The following FSTL5 variants were observed in gnomAD, a reference collection of about 807,000 sequenced individuals.
The protein encoded by FSTL5 is follistatin like 5, also known as follistatin-related protein 5.
In FSTL5, 62 loss-of-function variants were observed where a neutral mutation model predicts 89.1. That is an observed-to-expected ratio of 0.70 (90% CI 0.57 to 0.86). The LOEUF is 0.86. FSTL5 is among the 40% of genes least tolerant of loss of function. The pLI is 0.00. For missense variants in FSTL5, 1,057 were observed against 1,001.6 expected (o/e 1.06, Z -0.75); for synonymous variants, 383 against 346.2 (o/e 1.11, Z -1.18).
intron 7 of FSTL5, among the ~76,000 whole-genome samples, chr4:161,622,055 T>C (rs138024766): frequency 1.5e-3 from 230 of 152,118 alleles, no homozygotes; most frequent in African/African-American, 5.2e-3. Context: ...TAGGTGCGAT[T>C]ACTACATATG....
intron 8 of FSTL5, among the ~76,000 whole-genome samples, chr4:161,564,097 GAAT>G (rs559151608): frequency 1.3e-5 from 2 of 151,640 alleles, no homozygotes; most frequent in Non-Finnish European, 2.9e-5. Context: ...TCTTCAGAGT[GAAT>G]AATATATTTG....
chr4:161,508,231 A>T (rs1370860303), intron 11 of FSTL5, among the ~76,000 whole-genome samples: 1 of 152,078 alleles, frequency 6.6e-6, no homozygotes, highest in East Asian at 1.9e-4. Flanking sequence ...TTTTATTGTA[A>T]TGCCTTGCCA....
At chr4:162,067,431 G>A (rs1339105799) in intron 2 of FSTL5, among the ~76,000 whole-genome samples, 2 of 151,980 alleles carry the variant, frequency 1.3e-5, no homozygotes, top group Non-Finnish European at 2.9e-5. Context: ...TGTGAATTAT[G>A]CTGCAATAAA....
At position 161,912,711 on chromosome 4, in the gene FSTL5, T is replaced by C. The variant is rs578187571; in HGVS notation, c.409+7693A>G. Among the ~76,000 whole-genome samples the C allele has an allele frequency of 1.1e-4, 17 of 152,192 alleles. 1 individual carries two copies. The South Asian group carries it at 3.3e-3, about 30-fold the overall frequency. On this transcript the variant is annotated intron_variant, in intron 4 of 15. Coordinates refer to ENST00000306100, the MANE Select transcript of FSTL5 (RefSeq NM_020116.5). ...ATGGCTGAAAAGATACCAGAAAATG[T>C]GGAAATGACTTTGGAACTGGGTAAG... is the stretch of plus-strand genomic sequence containing the variant.
rs543761714 is a variant in FSTL5 at position 161,581,326 on chromosome 4, G to A, written c.1015+6129C>T. Among the ~76,000 whole-genome samples the A allele has an allele frequency of 8.8e-4, 134 of 152,296 alleles. 1 individual carries two copies. Among genetic ancestry groups the A allele is most frequent in the African/African-American group, 3.2e-3 (131 of 41,568 alleles). ...ACAGTTTGACAATCACTGAGCTAGGGTAACCCTCTAGCTTCTCACTCTCTC... is the reference window on the plus strand; with the variant it reads ...ACAGTTTGACAATCACTGAGCTAGGATAACCCTCTAGCTTCTCACTCTCTC... On this transcript the variant is annotated intron_variant, in intron 8 of 15. Transcript: ENST00000306100.
intron 3 of FSTL5, among the ~76,000 whole-genome samples, chr4:161,953,121 A>G (rs1734942239): frequency 6.6e-6 from 1 of 151,684 alleles, no homozygotes; most frequent in Non-Finnish European, 1.5e-5. Flanking sequence ...TCCCCTTAGC[A>G]GTTATCTCAG....
chr4:161,804,478 G>A (rs750986935), intron 4 of FSTL5, among the ~76,000 whole-genome samples: 2 of 151,606 alleles, frequency 1.3e-5, no homozygotes, highest in Non-Finnish European at 2.9e-5. Flanking sequence ...TGAAAAAATT[G>A]TGGGCAAATA....
At chr4:161,829,371 T>A (rs560970707) in intron 4 of FSTL5, among the ~76,000 whole-genome samples, 1 of 151,058 alleles carries the variant, frequency 6.6e-6, no homozygotes, top group East Asian at 1.9e-4. Flanking sequence ...TTTTTCAAGA[T>A]TGTCAGTGAA....
At chr4:161,943,192 A>G (rs962860893) in intron 3 of FSTL5, among the ~76,000 whole-genome samples, 5 of 152,218 alleles carry the variant, frequency 3.3e-5, no homozygotes, top group Admixed American at 6.5e-5. Flanking sequence ...TATCAAAATG[A>G]AAGAAAATCC....
chr4:161,980,627 AAAGT>A (rs1364692757), intron 3 of FSTL5, among the ~76,000 whole-genome samples: 1 of 152,082 alleles, frequency 6.6e-6, no homozygotes, highest in Non-Finnish European at 1.5e-5. Flanking sequence ...AAATTAAGGG[AAAGT>A]GAGTAGTATT....
intron 13 of FSTL5, among the ~76,000 whole-genome samples, chr4:161,473,503 G>C (rs1734021250): frequency 6.9e-6 from 1 of 145,244 alleles, no homozygotes; most frequent in African/African-American, 2.6e-5. Context: ...AAAGGTCACT[G>C]CAGCTTTGAC....
At chr4:162,048,436 G>A (rs1369073214) in intron 2 of FSTL5, among the ~76,000 whole-genome samples, 1 of 151,942 alleles carries the variant, frequency 6.6e-6, no homozygotes, top group Non-Finnish European at 1.5e-5. Flanking sequence ...GAAAACCTTA[G>A]AATAATTTAA....
intron 2 of FSTL5, among the ~76,000 whole-genome samples, chr4:162,074,116 T>C (rs1452930387): frequency 6.6e-6 from 1 of 151,822 alleles, no homozygotes; most frequent in Non-Finnish European, 1.5e-5. Context: ...TTTTAGGTTA[T>C]TTTGAATTAT....
chr4:161,548,337 G>A (rs1297509031), intron 8 of FSTL5, among the ~76,000 whole-genome samples: 1 of 151,868 alleles, frequency 6.6e-6, no homozygotes, highest in Non-Finnish European at 1.5e-5. Context: ...TGAAAACCAG[G>A]AAACAATAAT....
chr4:161,576,397 T>A (rs1322891677), intron 8 of FSTL5, among the ~76,000 whole-genome samples: 1 of 152,172 alleles, frequency 6.6e-6, no homozygotes, highest in Non-Finnish European at 1.5e-5. Flanking sequence ...GCTGGAGGCA[T>A]CACGCTATCT....
chr4:161,841,851 C>A (rs891440293), intron 4 of FSTL5, among the ~76,000 whole-genome samples: 1 of 152,034 alleles, frequency 6.6e-6, no homozygotes. Flanking sequence ...GTTGATGAGG[C>A]TTTGGCATCC....
intron 1 of FSTL5, among the ~76,000 whole-genome samples, chr4:162,162,302 A>G (rs1282920527): frequency 1.3e-5 from 2 of 152,166 alleles, no homozygotes; most frequent in African/African-American, 4.8e-5. Flanking sequence ...AACCTAACTT[A>G]GTGTACGCCT....
Position 162,025,511 on chromosome 4 carries a change from G to A in FSTL5, c.160+8114C>T, listed in dbSNP as rs185009613. On this transcript the variant is annotated intron_variant, in intron 3 of 15. Coordinates refer to ENST00000306100, the MANE Select transcript of FSTL5 (RefSeq NM_020116.5). ...TCTAGTATTCAGAGTCTAAATTCTG[G>A]GATAAAGGATTATGTAGAAATTTTT... Among the ~76,000 whole-genome samples, 806 of 151,972 alleles carry A rather than the reference G, an allele frequency of 5.3e-3. 7 individuals are homozygous for A. The highest frequency in any genetic ancestry group is 0.018 in the African/African-American group (765 of 41,474).
At chr4:162,068,207 A>T (rs532669915) in intron 2 of FSTL5, among the ~76,000 whole-genome samples, 2 of 152,140 alleles carry the variant, frequency 1.3e-5, no homozygotes, top group Non-Finnish European at 2.9e-5. Flanking sequence ...ACTATTTTAA[A>T]TTTTATGTGG....
Sources: gnomAD v4.1 joint callset for allele counts (sites outside exome capture counted in the v4.1 genomes callset) on GRCh38, gnomAD v4.1.1 for gene constraint, MANE v1.5 for transcripts, NCBI Gene and HGNC (gene_info 2026-07-23, HGNC 2026-07-21) for gene names.